SAFB2: variants seen among roughly 807,000 people sequenced by gnomAD.
The protein encoded by SAFB2 is scaffold attachment factor B2.
SAFB2 carries 32 observed loss-of-function variants against 100.6 expected under a neutral mutation model. The observed-to-expected ratio is 0.32, with a 90% confidence interval of 0.24 to 0.43. The LOEUF is 0.43. Ranked by LOEUF, SAFB2 falls within the 20% of genes least tolerant of loss-of-function variation. SAFB2 has a pLI of 1.00. For synonymous variants in SAFB2, 500 were observed against 439.4 expected (o/e 1.14, Z -1.72); for missense variants, 1,185 against 1,163.4 (o/e 1.02, Z -0.27).
chr19:5,620,172 G>A (rs1370229796), intron 2 of SAFB2, among the ~76,000 whole-genome samples: 1 of 152,142 alleles, frequency 6.6e-6, no homozygotes, highest in Non-Finnish European at 1.5e-5. Flanking sequence ...TTAACTTAAA[G>A]CTCTTATGCA....
At chr19:5,622,084 T>TGGA (rs765248913) in intron 1 of SAFB2, among the ~76,000 whole-genome samples, 20 of 152,144 alleles carry the variant, frequency 1.3e-4, no homozygotes, top group Admixed American at 5.2e-4. Flanking sequence ...GGGACCCGGG[T>TGGA]GGACAGCTTC....
At chr19:5,591,535 C>T (rs778325877) in intron 17 of SAFB2, 2 of 516,410 alleles carry the variant, frequency 3.9e-6, no homozygotes, top group Non-Finnish European at 7.0e-6. Flanking sequence ...ACCTCAGCTT[C>T]CCAAAGTGCT....
intron 2 of SAFB2, among the ~76,000 whole-genome samples, chr19:5,617,659 C>T (rs2053060832): frequency 6.6e-6 from 1 of 152,088 alleles, no homozygotes; most frequent in African/African-American, 2.4e-5. Context: ...CCTGGGGGAA[C>T]GCCATTAGCA....
chr19:5,593,831 A>G, intron 15 of SAFB2, 60 bp downstream of exon 15: 1 of 1,377,674 alleles, frequency 7.3e-7, no homozygotes, highest in Non-Finnish European at 9.4e-7. Context: ...GTTCTGCTGG[A>G]AGGGTGAACA....
At position 5,610,647 on chromosome 19, in the gene SAFB2, T is replaced by A. The variant is rs1259734850; in HGVS notation, c.1187A>T (p.Asp396Val). 1.3e-6 allele frequency: 2 copies of A among 1,570,626 alleles called. No homozygotes were observed. Among genetic ancestry groups the A allele is most frequent in the South Asian group, 2.3e-5 (2 of 87,508 alleles). Residue 396 changes from aspartate (D) to valine (V), a missense_variant, in exon 8 of 21, where the codon GAT becomes GTT. Physicochemically the swap from Asp to Val is radical, Grantham distance 152. Coordinates refer to ENST00000252542, the MANE Select transcript of SAFB2 (RefSeq NM_014649.3). Reference protein sequence around the residue: ...EEKDIKPIIKDEKGRVGSGSG... With the variant: ...EEKDIKPIIKVEKGRVGSGSG... Reference sequence around the variant, plus strand: ...GTTAAATTAAATCATACCTTTTTCATCTTTAATGATTGGCTTTATATCTTT... The same window carrying A: ...GTTAAATTAAATCATACCTTTTTCAACTTTAATGATTGGCTTTATATCTTT...
chr19:5,589,971 G>A (rs1046333613), intron 18 of SAFB2, among the ~76,000 whole-genome samples: 5 of 152,278 alleles, frequency 3.3e-5, no homozygotes, highest in South Asian at 2.1e-4. Flanking sequence ...GAGCTTCAGC[G>A]CTGTCTCTCC....
chr19:5,601,743 T>TAAATA lies in SAFB2; in HGVS notation c.1560-1484_1560-1483insTATTT, dbSNP rs1375756164. On this transcript the variant is annotated intron_variant, in intron 11 of 20. Coordinates refer to ENST00000252542, the MANE Select transcript of SAFB2 (RefSeq NM_014649.3). ...ATAAATAAATAAATAAATAAATAAA[T>TAAATA]AAGAAGGACCTTTAGATCCTGAGAC... is the stretch of plus-strand genomic sequence containing the variant. Among the ~76,000 whole-genome samples, 11 of 151,602 alleles carry TAAATA rather than the reference T, an allele frequency of 7.3e-5. No homozygotes were observed. The South Asian group carries it at 2.3e-3, about 32-fold the overall frequency.
chr19:5,621,414 GT>G lies in SAFB2; in HGVS notation c.187-19del. 6.7e-7 allele frequency: 1 copy of G among 1,486,842 alleles called. No homozygotes were observed. The highest frequency in any genetic ancestry group is 9.4e-7 in the Non-Finnish European group (1 of 1,064,228). The allele number at this position is 1,486,842 out of a possible 1,614,324, so 92.1% of individuals were successfully genotyped here. On this transcript the variant is annotated intron_variant, in intron 1 of 20. Coordinates refer to ENST00000252542, the MANE Select transcript of SAFB2 (RefSeq NM_014649.3). ...TTAACCGCCTATTAGGGAGAGATGA[GT>G]TTTACAACATCATTAAGAGCTGCAG...
rs142680456 is a variant in SAFB2, at chr19:5,621,515, G to A, written c.187-119C>T. The stretch of plus-strand genomic sequence containing the variant: ...ACCCGTCCTTGCAAAGAGCAACTCC[G>A]GGTCAGCTATCTGGGCCGCAAGCCC... On this transcript the variant is annotated intron_variant, in intron 1 of 20. Coordinates refer to ENST00000252542, the MANE Select transcript of SAFB2 (RefSeq NM_014649.3). 3.9e-5 allele frequency: 29 copies of A among 738,952 alleles called. No homozygotes were observed. The African/African-American group carries it at 4.5e-4, about 11-fold the overall frequency. The allele number at this position is 738,952 out of a possible 1,614,324, so 45.8% of individuals were successfully genotyped here. A position where few individuals can be genotyped will look rare whatever the true frequency, so the allele number is the denominator to read the frequency against.
intron 9 of SAFB2, among the ~76,000 whole-genome samples, chr19:5,608,203 C>A (rs76419184): frequency 0.042 from 6,411 of 152,304 alleles, 193 homozygotes; most frequent in Middle Eastern, 0.078. Flanking sequence ...CACGCCTCAG[C>A]TGAATGTCAC....
chr19:5,617,428 A>G lies in SAFB2; in HGVS notation c.275-942T>C, dbSNP rs550503762. On this transcript the variant is annotated intron_variant, in intron 2 of 20. Coordinates refer to ENST00000252542, the MANE Select transcript of SAFB2 (RefSeq NM_014649.3). ...AGTGGAAACCTTGAGAAGAAACTTG[A>G]GGCTCTATATGTATCAAAAACCTTA... 5.3e-5 allele frequency among the ~76,000 whole-genome samples: 8 copies of G among 152,316 alleles called. No homozygotes were observed. The East Asian group carries it at 1.3e-3, about 26-fold the overall frequency.
intron 6 of SAFB2, chr19:5,612,004 C>G: frequency 2.6e-6 from 1 of 383,684 alleles, no homozygotes. Context: ...TTCCAAATTT[C>G]TTTGAATTTC....
intron 11 of SAFB2, among the ~76,000 whole-genome samples, chr19:5,600,544 T>C (rs1023267435): frequency 3.9e-5 from 6 of 152,190 alleles, no homozygotes; most frequent in African/African-American, 1.4e-4. Flanking sequence ...GCAAGAGTGG[T>C]GTGCAGGTGG....
Position 5,616,123 on chromosome 19 carries a change from G to A in SAFB2, c.543+9C>T. The stretch of plus-strand genomic sequence containing the variant: ...TGGGCACATCCTGCCGTGTCTCCAA[G>A]TTACCTACAGCATGCTCTGGGGGCT... On this transcript the variant is annotated intron_variant, in intron 4 of 20. Transcript: ENST00000252542. 1 of 1,613,682 alleles carries A rather than the reference G, an allele frequency of 6.2e-7. No homozygotes were observed. The highest frequency in any genetic ancestry group is 2.2e-5 in the East Asian group (1 of 44,870).
chr19:5,609,005 T>C (rs1291019673), intron 9 of SAFB2, among the ~76,000 whole-genome samples: 1 of 122,588 alleles, frequency 8.2e-6, no homozygotes, highest in African/African-American at 3.2e-5. Flanking sequence ...TGAGCCAAGA[T>C]CACACCACTG....
Position 5,587,616 on chromosome 19 carries a change from C to T in SAFB2, c.2705+85G>A, listed in dbSNP as rs897367428. ...TGCTTTGTTTTCATAACATCCAACC[C>T]AGCCAGCTGATCAAACATGCAAAAA... On this transcript the variant is annotated intron_variant, in intron 20 of 20. Coordinates refer to ENST00000252542, the MANE Select transcript of SAFB2 (RefSeq NM_014649.3). The surrounding 1 kb of genome is among the most constrained non-coding windows in gnomAD (Gnocchi z 4.9). The T allele has an allele frequency of 1.6e-5, 24 of 1,473,392 alleles. No homozygotes were observed. The highest frequency in any genetic ancestry group is 2.1e-5 in the Non-Finnish European group (23 of 1,103,284). The allele number at this position is 1,473,392 out of a possible 1,614,324, so 91.3% of individuals were successfully genotyped here.
chr19:5,594,814 G>T (rs1232126033), intron 14 of SAFB2, among the ~76,000 whole-genome samples: 1 of 152,150 alleles, frequency 6.6e-6, no homozygotes, highest in African/African-American at 2.4e-5. Flanking sequence ...TATCAGCCTG[G>T]CAACATAGCC....
Position 5,588,925 on chromosome 19 carries a change from CGAGTCCAGTGTCCT to C in SAFB2, c.2526-959_2526-946del, listed in dbSNP as rs1392789200. 3 of 152,262 alleles carry C rather than the reference CGAGTCCAGTGTCCT, an allele frequency of 2.0e-5. 1 individual carries two copies. Among genetic ancestry groups the C allele is most frequent in the African/African-American group, 2.4e-5 (1 of 41,450 alleles). The allele number at this position is 152,262 out of a possible 1,614,324, so 9.4% of individuals were successfully genotyped here. On this transcript the variant is annotated intron_variant, in intron 18 of 20. Transcript: ENST00000252542. ...AGACAAACTCTGGGAGATGAAAATC[CGAGTCCAGTGTCCT>C]GAGTCCCAAGTGGCCAAGCAGTCAC...
chr19:5,612,241 G>C (rs1414780194), intron 6 of SAFB2: 1 of 465,412 alleles, frequency 2.1e-6, no homozygotes, highest in Non-Finnish European at 3.8e-6. Flanking sequence ...TCTGTTTCAT[G>C]TGTAGAAACA....
Sources: gnomAD v4.1 joint callset for allele counts (sites outside exome capture counted in the v4.1 genomes callset) on GRCh38, gnomAD v4.1.1 for gene constraint, Gnocchi (gnomAD v3.1) non-coding constraint, MANE v1.5 for transcripts, NCBI Gene and HGNC (gene_info 2026-07-23, HGNC 2026-07-21) for gene names.